Variants in DET1 observed in about 807,000 individuals in gnomAD.
The protein encoded by DET1 is DET1 homolog.
DET1 carries 22 observed loss-of-function variants against 43.7 expected under a neutral mutation model. The ratio of observed to expected loss-of-function variants is 0.50; its 90% confidence interval spans 0.36 to 0.72. DET1 has a LOEUF of 0.72. DET1 is among the 30% of genes least tolerant of loss of function. DET1 has a pLI of 0.00. For missense variants in DET1, 713 were observed against 713.3 expected (o/e 1.00, Z 0.00); for synonymous variants, 315 against 266.2 (o/e 1.18, Z -1.79).
chr15:88,530,027 C>T (rs1400207781), intron 2 of DET1, among the ~76,000 whole-genome samples: 2 of 152,208 alleles, frequency 1.3e-5, no homozygotes, highest in Admixed American at 1.3e-4. Flanking sequence ...TTTCAGCTTC[C>T]TTTTGACCTC....
intron 3 of DET1, among the ~76,000 whole-genome samples, chr15:88,522,529 A>ATTTTTTTTTTTTTTTTTTTT (rs2056524786): frequency 6.2e-5 from 1 of 16,174 alleles, no homozygotes; most frequent in Admixed American, 4.8e-4. Context: ...TTTTTTTTTG[A>ATTTTTTTTTTTTTTTTTTTT]GTTGGAGTCT....
downstream of DET1, chr15:88,511,718 G>T: frequency 4.0e-6 from 2 of 497,146 alleles, no homozygotes; most frequent in Non-Finnish European, 5.2e-6. Flanking sequence ...ACTGAATGCT[G>T]AAGGAGACTG....
intron 3 of DET1, among the ~76,000 whole-genome samples, chr15:88,519,267 C>A (rs1400491413): frequency 6.6e-6 from 1 of 152,146 alleles, no homozygotes; most frequent in East Asian, 1.9e-4. Context: ...TGTCTTCACA[C>A]TTTAGTTCCT....
At chr15:88,519,478 A>T (rs7403482) in intron 3 of DET1, among the ~76,000 whole-genome samples, 65,469 of 151,706 alleles carry the variant, frequency 0.43, 15,252 homozygotes, top group East Asian at 0.65. Flanking sequence ...GTAGACCGTC[A>T]CGCTCTCCAA....
intron 1 of DET1, among the ~76,000 whole-genome samples, chr15:88,536,813 C>A (rs2142326789): frequency 7.5e-6 from 1 of 133,382 alleles, no homozygotes; most frequent in South Asian, 2.5e-4. Flanking sequence ...TAAAAAGGTA[C>A]CTAAAAGGCT....
downstream of DET1, among the ~76,000 whole-genome samples, chr15:88,510,047 TC>T (rs1465468057): frequency 2.0e-5 from 3 of 152,202 alleles, no homozygotes; most frequent in African/African-American, 7.2e-5. Flanking sequence ...GCATGTGGGG[TC>T]TTTTAGCTAT....
chr15:88,532,406 C>A (rs2056839562), intron 1 of DET1, among the ~76,000 whole-genome samples: 1 of 152,130 alleles, frequency 6.6e-6, no homozygotes, highest in South Asian at 2.1e-4. Flanking sequence ...TCTACAGATT[C>A]AATACAAACC....
chr15:88,533,852 T>TAAAAAAAAAAAAAAAAAAAAAAAA (rs368408722), intron 1 of DET1, among the ~76,000 whole-genome samples: 2 of 39,188 alleles, frequency 5.1e-5, no homozygotes, highest in African/African-American at 1.4e-4. Flanking sequence ...ACCCAATCTC[T>TAAAAAAAAAAAAAAAAAAAAAAAA]AAAAAAAAAA....
intron 1 of DET1, among the ~76,000 whole-genome samples, chr15:88,541,623 G>A (rs1320405491): frequency 1.3e-5 from 2 of 152,200 alleles, no homozygotes; most frequent in Non-Finnish European, 2.9e-5. Context: ...GCCCTCTAAA[G>A]GATCATTGAA....
rs2056805699 is a variant in DET1 at position 88,531,248 on chromosome 15, C to T, written c.458G>A (p.Cys153Tyr). Residue 153 changes from cysteine to tyrosine, a missense_variant, in exon 2 of 5, where the codon TGT becomes TAT. By Grantham distance (194) the Cys-to-Tyr change is radical. Coordinates refer to ENST00000268148, the MANE Select transcript of DET1 (RefSeq NM_001144074.3). This position sits in a 1 kb window ranked among gnomAD's most constrained non-coding sequence, Gnocchi z 6.2. ...GTAGGCAGCTGAGCCCACGATGACA[C>T]AGCGGCAGTCATCAGTGAAGAGACT... is the stretch of plus-strand genomic sequence containing the variant. ...ECSLFTDDCR[C>Y]VIVGSAAYLP... 1.9e-6 allele frequency: 3 copies of T among 1,613,872 alleles called. No individual in the cohort carries two copies. The highest frequency in any genetic ancestry group is 2.5e-6 in the Non-Finnish European group (3 of 1,179,862).
chr15:88,513,195 A>G, intron 4 of DET1, 55 bp from the exon 5 acceptor site: 5 of 1,504,244 alleles, frequency 3.3e-6, no homozygotes, highest in Non-Finnish European at 9.0e-7. Flanking sequence ...GATATTCACC[A>G]TCGAACTGAA....
At chr15:88,522,687 T>C (rs557496350) in intron 3 of DET1, among the ~76,000 whole-genome samples, 1 of 149,854 alleles carries the variant, frequency 6.7e-6, no homozygotes. Context: ...TTTTTTTGTA[T>C]TTTTTTTTAT....
At chr15:88,534,384 C>T (rs1294451542) in intron 1 of DET1, among the ~76,000 whole-genome samples, 2 of 152,290 alleles carry the variant, frequency 1.3e-5, no homozygotes, top group East Asian at 1.9e-4. Flanking sequence ...AATTGGCTAA[C>T]AATAAAGTAC....
rs986433278 is a variant in DET1 at position 88,516,371 on chromosome 15, T to G, written c.1463+411A>C. On this transcript the variant is annotated intron_variant, in intron 4 of 4. Transcript: ENST00000268148. The surrounding 1 kb of genome is among the most constrained non-coding windows in gnomAD (Gnocchi z 4.4). ...AGGAAGCATGAGTTTCTTCTAAATC[T>G]GTCAGCAGGTCCCCAAATTGTCTCT... Among the ~76,000 whole-genome samples, 3 of 152,254 alleles carry G rather than the reference T, an allele frequency of 2.0e-5. No homozygotes were observed. Among genetic ancestry groups the G allele is most frequent in the Non-Finnish European group, 4.4e-5 (3 of 68,052 alleles).
intron 4 of DET1, among the ~76,000 whole-genome samples, chr15:88,515,302 G>A (rs765109899): frequency 4.6e-5 from 7 of 152,018 alleles, no homozygotes; most frequent in Non-Finnish European, 8.8e-5. Context: ...CACTTTGGGA[G>A]GCTGAGGTGG....
intron 3 of DET1, among the ~76,000 whole-genome samples, chr15:88,517,495 G>A (rs1469220179): frequency 6.6e-6 from 1 of 152,022 alleles, no homozygotes; most frequent in Non-Finnish European, 1.5e-5. Flanking sequence ...CAAAATGCTA[G>A]GATTACAGAT....
In DET1 at chr15:88,531,086, C is replaced by T. The variant is rs373214566; in HGVS notation, c.620G>A (p.Arg207His). 1.3e-5 allele frequency: 21 copies of T among 1,613,864 alleles called. No individual in the cohort carries two copies. Among genetic ancestry groups the T allele is most frequent in the East Asian group, 2.2e-5 (1 of 44,870 alleles). The change falls in exon 2 of 5, where the codon CGC (arginine) becomes CAC (histidine). Residue 207 changes from arginine to histidine, a missense_variant. Transcript: ENST00000268148. The surrounding 1 kb of genome is among the most constrained non-coding windows in gnomAD (Gnocchi z 6.2). ...DLHTGRLCDT[R>H]TFKCDKVVLS... is the part of the protein sequence containing the mutation. ...GACCACCTTGTCACACTTGAACGTG[C>T]GTGTATCACATAAGCGGCCGGTGTG...
chr15:88,517,603 T>C (rs2056381236), intron 3 of DET1, among the ~76,000 whole-genome samples: 4 of 152,218 alleles, frequency 2.6e-5, no homozygotes, highest in African/African-American at 9.6e-5. Flanking sequence ...CTATTTCTAC[T>C]CTTTTCTAAT....
chr15:88,515,989 T>C (rs1399710652), intron 4 of DET1, among the ~76,000 whole-genome samples: 1 of 152,242 alleles, frequency 6.6e-6, no homozygotes, highest in African/African-American at 2.4e-5. Flanking sequence ...GGAAATATTA[T>C]AAATGGTGAT....
Sources: gnomAD v4.1 joint callset for allele counts (sites outside exome capture counted in the v4.1 genomes callset) on GRCh38, gnomAD v4.1.1 for gene constraint, Gnocchi (gnomAD v3.1) non-coding constraint, MANE v1.5 for transcripts, NCBI Gene and HGNC (gene_info 2026-07-23, HGNC 2026-07-21) for gene names.